TNFAIP8: variants seen among roughly 807,000 people sequenced by gnomAD.
TNFAIP8 encodes the protein TNF alpha induced protein 8.
A neutral mutation model predicts 13.3 loss-of-function variants in TNFAIP8; 7 were observed. The ratio of observed to expected loss-of-function variants is 0.52; its 90% CI spans 0.30 to 0.99. The LOEUF (loss-of-function observed/expected upper bound fraction) is 0.99. Among genes scored for constraint, TNFAIP8 ranks in the 50% least tolerant of loss-of-function variants. TNFAIP8 has a pLI of 0.07. For missense variants in TNFAIP8, 258 were observed against 236.9 expected (o/e 1.09, Z -0.58); for synonymous variants, 94 against 87.6 (o/e 1.07, Z -0.41).
At chr5:119,291,881 C>G (rs1748999258) in intron 1 of TNFAIP8, among the ~76,000 whole-genome samples, 1 of 152,200 alleles carries the variant, frequency 6.6e-6, no homozygotes, top group Non-Finnish European at 1.5e-5. Context: ...GAATGAAAAT[C>G]AGGAATGCAG....
At chr5:119,389,340 C>T (rs1390004820) in intron 1 of TNFAIP8, among the ~76,000 whole-genome samples, 1 of 152,152 alleles carries the variant, frequency 6.6e-6, no homozygotes, top group Non-Finnish European at 1.5e-5. Flanking sequence ...GAGGTCAGGG[C>T]TGAGTTATGG....
At chr5:119,332,081 T>C (rs1222415987) in intron 1 of TNFAIP8, among the ~76,000 whole-genome samples, 1 of 152,202 alleles carries the variant, frequency 6.6e-6, no homozygotes, top group East Asian at 1.9e-4. Context: ...AAGTGTCATA[T>C]CGCTATGAGT....
intron 1 of TNFAIP8, among the ~76,000 whole-genome samples, chr5:119,379,211 G>C (rs1752393127): frequency 6.6e-6 from 1 of 152,196 alleles, no homozygotes; most frequent in South Asian, 2.1e-4. Flanking sequence ...CTGTAAAAGA[G>C]AGTGAAGGGT....
At chr5:119,334,494 C>G (rs1342672821) in intron 1 of TNFAIP8, among the ~76,000 whole-genome samples, 1 of 121,804 alleles carries the variant, frequency 8.2e-6, no homozygotes, top group South Asian at 2.3e-4. Context: ...ATTATTGAAC[C>G]CTTGGCAGCC....
intron 1 of TNFAIP8, among the ~76,000 whole-genome samples, chr5:119,388,841 G>T (rs973332745): frequency 1.4e-4 from 21 of 149,448 alleles, no homozygotes; most frequent in Non-Finnish European, 2.5e-4. Context: ...ACAGGGTCTT[G>T]CTATGTTGCC....
At chr5:119,289,420 A>G (rs960068766) in intron 1 of TNFAIP8, among the ~76,000 whole-genome samples, 11 of 152,200 alleles carry the variant, frequency 7.2e-5, no homozygotes, top group Admixed American at 1.3e-4. Context: ...TTTGTAAGAG[A>G]AGGACTGTGC....
At chr5:119,321,567 C>T (rs1226138248) in intron 1 of TNFAIP8, among the ~76,000 whole-genome samples, 1 of 152,130 alleles carries the variant, frequency 6.6e-6, no homozygotes, top group African/African-American at 2.4e-5. Context: ...GTGCATGCAG[C>T]TCTCAGGCCA....
intron 1 of TNFAIP8, among the ~76,000 whole-genome samples, chr5:119,281,306 A>ACACACACACACACACACTCTCTCTCTCT: frequency 8.8e-6 from 1 of 114,214 alleles, no homozygotes; most frequent in African/African-American, 3.0e-5. Flanking sequence ...ACACACACAC[A>ACACACACACACACACACTCTCTCTCTCT]CTCTCTCTCT....
At chr5:119,364,845 T>TTC (rs1383688333) in intron 1 of TNFAIP8, among the ~76,000 whole-genome samples, 8 of 126,006 alleles carry the variant, frequency 6.3e-5, no homozygotes, top group African/African-American at 2.6e-4. Context: ...TTTTCAGTTT[T>TTC]TTTTTTTTTT....
intron 1 of TNFAIP8, among the ~76,000 whole-genome samples, chr5:119,365,872 G>A (rs1168228577): frequency 6.6e-6 from 1 of 152,164 alleles, no homozygotes; most frequent in East Asian, 1.9e-4. Context: ...TTTCCAAGAG[G>A]TAGACAGAAT....
chr5:119,295,218 AGTCTAACGTTAGACCTATAGGTCTAACGT>A, intron 1 of TNFAIP8, among the ~76,000 whole-genome samples: 2 of 48,996 alleles, frequency 4.1e-5, no homozygotes, highest in East Asian at 6.5e-4. Context: ...TCTAACGTTT[AGTCTAACGTTAGACCTATAGGTCTAACGT>A]TTAGTCTAAC....
At chr5:119,355,498 C>G (rs936012913), upstream of TNFAIP8, 1 of 593,458 alleles carries the variant, frequency 1.7e-6, no homozygotes. Context: ...GATATCCATG[C>G]GACTTTCCTA....
intron 1 of TNFAIP8, among the ~76,000 whole-genome samples, chr5:119,279,085 C>T (rs1433326348): frequency 6.6e-6 from 1 of 152,172 alleles, no homozygotes; most frequent in African/African-American, 2.4e-5. Context: ...AGGCACTGTG[C>T]TGAGTGCTTT....
chr5:119,339,221 C>G (rs916642067), intron 1 of TNFAIP8, among the ~76,000 whole-genome samples: 1 of 152,144 alleles, frequency 6.6e-6, no homozygotes, highest in Non-Finnish European at 1.5e-5. Context: ...AAGCAAGTGA[C>G]TTTTTCCAGA....
chr5:119,299,548 G>C (rs1472527909), intron 1 of TNFAIP8, among the ~76,000 whole-genome samples: 3 of 152,198 alleles, frequency 2.0e-5, no homozygotes, highest in Non-Finnish European at 2.9e-5. Flanking sequence ...AGGCTGCTTG[G>C]GGGTCAGGGG....
intron 1 of TNFAIP8, among the ~76,000 whole-genome samples, chr5:119,323,388 A>G (rs1341605089): frequency 6.6e-6 from 1 of 151,706 alleles, no homozygotes; most frequent in Non-Finnish European, 1.5e-5. Context: ...TTCCCACCCC[A>G]CCCTGCATAC....
intron 1 of TNFAIP8, among the ~76,000 whole-genome samples, chr5:119,381,035 C>T (rs1359504332): frequency 3.9e-5 from 6 of 152,278 alleles, no homozygotes; most frequent in African/African-American, 9.6e-5. Context: ...TCAGAGCAGG[C>T]GTGTTCCAAC....
upstream of TNFAIP8, among the ~76,000 whole-genome samples, chr5:119,353,978 C>T (rs541641424): frequency 6.6e-6 from 1 of 152,194 alleles, no homozygotes; most frequent in Admixed American, 6.5e-5. Context: ...CTCTTGTGGA[C>T]TATCTGTGGA....
chr5:119,355,936 C>G, upstream of TNFAIP8: 1 of 1,424,126 alleles, frequency 7.0e-7, no homozygotes, highest in Non-Finnish European at 9.4e-7. Context: ...AATCCCTGCA[C>G]CAGAACCCGC....
Sources: gnomAD v4.1 joint callset for allele counts (sites outside exome capture counted in the v4.1 genomes callset) on GRCh38, gnomAD v4.1.1 for gene constraint, MANE v1.5 for transcripts, NCBI Gene and HGNC (gene_info 2026-07-23, HGNC 2026-07-21) for gene names.